SPMIP2: variants seen among roughly 807,000 people sequenced by gnomAD.
SPMIP2 encodes the protein protein SPMIP2.
chr4:158,893,157 C>G, the SPMIP2 span: 1 of 152,538 alleles, frequency 6.6e-6, no homozygotes, highest in African/African-American at 2.4e-5. Flanking sequence ...AGTACCTGTT[C>G]AACAAGGGTG....
chr4:158,961,042 G>T, the SPMIP2 span, among the ~76,000 whole-genome samples: 6 of 152,056 alleles, frequency 3.9e-5, no homozygotes, highest in East Asian at 1.9e-4. Context: ...ATTGAAAAGC[G>T]TATTGGTCTA....
the SPMIP2 span, chr4:158,973,156 C>T: frequency 2.0e-5 from 33 of 1,612,666 alleles, no homozygotes; most frequent in Non-Finnish European, 2.5e-5. Context: ...ATTTCACTGA[C>T]GTACTCATGT....
chr4:158,984,512 C>A, the SPMIP2 span, among the ~76,000 whole-genome samples: 1 of 151,572 alleles, frequency 6.6e-6, no homozygotes, highest in Non-Finnish European at 1.5e-5. Flanking sequence ...GGAAACTGAA[C>A]AACCTGCTCC....
At chr4:158,965,665 AT>A in the SPMIP2 span, among the ~76,000 whole-genome samples, 4 of 72,572 alleles carry the variant, frequency 5.5e-5, no homozygotes, top group Admixed American at 2.8e-4. Flanking sequence ...TTAAGTTTCT[AT>A]TTAAAAAAAA....
the SPMIP2 span, among the ~76,000 whole-genome samples, chr4:158,975,470 T>C: frequency 6.6e-6 from 1 of 152,242 alleles, no homozygotes; most frequent in African/African-American, 2.4e-5. Context: ...TGAGTTAATT[T>C]TTGTAAAAGG....
the SPMIP2 span, among the ~76,000 whole-genome samples, chr4:158,987,824 C>A: frequency 3.3e-5 from 5 of 151,788 alleles, no homozygotes; most frequent in South Asian, 1.0e-3. Context: ...CCTAACATCA[C>A]AATTAAAAGA....
At chr4:159,074,453 G>T in the SPMIP2 span, among the ~76,000 whole-genome samples, 1 of 152,060 alleles carries the variant, frequency 6.6e-6, no homozygotes, top group African/African-American at 2.4e-5. Context: ...GATGAGGTAT[G>T]GCCACAGAGA....
At chr4:159,075,055 C>T in the SPMIP2 span, among the ~76,000 whole-genome samples, 11 of 152,170 alleles carry the variant, frequency 7.2e-5, no homozygotes, top group Non-Finnish European at 1.5e-4. Flanking sequence ...CTCTTGCTGT[C>T]CTTCTCTCCC....
the SPMIP2 span, among the ~76,000 whole-genome samples, chr4:158,938,214 G>C: frequency 6.6e-6 from 1 of 152,200 alleles, no homozygotes; most frequent in Non-Finnish European, 1.5e-5. Context: ...CAAATTGCCA[G>C]TGTACCTATT....
At chr4:159,069,323 CAATT>C in the SPMIP2 span, among the ~76,000 whole-genome samples, 2 of 152,104 alleles carry the variant, frequency 1.3e-5, no homozygotes, top group African/African-American at 4.8e-5. Context: ...AAACAAGAAA[CAATT>C]AAATCCTACT....
At chr4:159,006,055 C>T in the SPMIP2 span, among the ~76,000 whole-genome samples, 21 of 152,170 alleles carry the variant, frequency 1.4e-4, no homozygotes, top group East Asian at 3.9e-4. Context: ...TGAGCCACCG[C>T]GCCTGACCCT....
the SPMIP2 span, among the ~76,000 whole-genome samples, chr4:159,046,788 G>A: frequency 1.3e-5 from 2 of 152,194 alleles, no homozygotes; most frequent in African/African-American, 4.8e-5. Context: ...GGCCAGCCTG[G>A]CCTCGAACTC....
At chr4:158,983,609 G>GAGATTTTGTCAC in the SPMIP2 span, among the ~76,000 whole-genome samples, 2,814 of 2,982 alleles carry the variant, frequency 0.94, 1,398 homozygotes, top group East Asian at 1. Context: ...CAAATGCTGA[G>GAGATTTTGTCAC]CACCAGGCCT....
chr4:159,018,649 G>A, the SPMIP2 span, among the ~76,000 whole-genome samples: 4 of 152,172 alleles, frequency 2.6e-5, no homozygotes, highest in Non-Finnish European at 5.9e-5. Context: ...AAGTATGATG[G>A]TTCAGAATGC....
chr4:159,050,010 G>A, the SPMIP2 span, among the ~76,000 whole-genome samples: 3 of 152,150 alleles, frequency 2.0e-5, no homozygotes, highest in Admixed American at 6.5e-5. Context: ...TAACTTAGAC[G>A]TTACTTTTAA....
At chr4:159,046,258 C>T in the SPMIP2 span, among the ~76,000 whole-genome samples, 1 of 151,672 alleles carries the variant, frequency 6.6e-6, no homozygotes, top group African/African-American at 2.4e-5. Flanking sequence ...CAGCCGGCTT[C>T]CTTCAGATGG....
chr4:158,903,515 A>G, the SPMIP2 span, among the ~76,000 whole-genome samples: 1 of 152,252 alleles, frequency 6.6e-6, no homozygotes. Context: ...GTGTGCATCA[A>G]CACGTGTAAT....
chr4:158,893,535 T>C, the SPMIP2 span: 1 of 575,854 alleles, frequency 1.7e-6, no homozygotes, highest in Non-Finnish European at 3.1e-6. Context: ...GACAACACCT[T>C]TTTTCCAAAC....
chr4:159,036,963 GA>G, the SPMIP2 span, among the ~76,000 whole-genome samples: 49 of 152,296 alleles, frequency 3.2e-4, no homozygotes, highest in African/African-American at 1.2e-3. Flanking sequence ...GCCCAACTTT[GA>G]ACATTCCTAG....
Sources: gnomAD v4.1 joint callset for allele counts (sites outside exome capture counted in the v4.1 genomes callset) on GRCh38, gnomAD v4.1.1 for gene constraint, MANE v1.5 for transcripts, NCBI Gene and HGNC (gene_info 2026-07-23, HGNC 2026-07-21) for gene names.